ACTR3C: variants seen among roughly 807,000 people sequenced by gnomAD.
ACTR3C encodes actin-related protein 3C.
A neutral mutation model predicts 26.3 loss-of-function variants in ACTR3C; 18 were observed. The ratio of observed to expected loss-of-function variants is 0.68; its 90% CI spans 0.47 to 1.01. The LOEUF (loss-of-function observed/expected upper bound fraction) is 1.01, where lower values mean the gene tolerates loss of function less well. ACTR3C is among the 50% of genes least tolerant of loss of function. The pLI, the probability that ACTR3C is intolerant of heterozygous loss-of-function variation, is 0.00. For synonymous variants in ACTR3C, 55 were observed against 94.5 expected (o/e 0.58, Z 2.42); for missense variants, 184 against 250.7 (o/e 0.73, Z 1.80).
chr7:150,069,891 C>G, the ACTR3C span, among the ~76,000 whole-genome samples: 111,717 of 151,892 alleles, frequency 0.74, 41,192 homozygotes, highest in East Asian at 0.77. Flanking sequence ...GGGACTTCTG[C>G]GGGGAAGGTT....
chr7:150,040,955 A>T, the ACTR3C span, among the ~76,000 whole-genome samples: 1 of 150,160 alleles, frequency 6.7e-6, no homozygotes, highest in Non-Finnish European at 1.5e-5. Context: ...TTGCTGCCAA[A>T]GCCCTCAAAT....
chr7:149,936,784 A>ATTTTAT, the ACTR3C span, among the ~76,000 whole-genome samples: 7 of 152,190 alleles, frequency 4.6e-5, no homozygotes, highest in African/African-American at 1.2e-4. Flanking sequence ...GATGTATTTT[A>ATTTTAT]TTTTATTTTT....
chr7:149,893,937 A>G, the ACTR3C span, among the ~76,000 whole-genome samples: 1 of 152,190 alleles, frequency 6.6e-6, no homozygotes, highest in Admixed American at 6.5e-5. Flanking sequence ...AAATAATCCT[A>G]AGTTCACATG....
chr7:150,236,167 T>G, the ACTR3C span, among the ~76,000 whole-genome samples: 10 of 152,222 alleles, frequency 6.6e-5, no homozygotes, highest in Admixed American at 5.9e-4. Context: ...TAACCCTGTA[T>G]CTGGGAGAAG....
At chr7:150,158,895 GCACACACGTGCGCA>G in the ACTR3C span, among the ~76,000 whole-genome samples, 4 of 147,454 alleles carry the variant, frequency 2.7e-5, no homozygotes, top group South Asian at 4.3e-4. Flanking sequence ...GACGCACAAG[GCACACACGTGCGCA>G]CACACACGTG....
chr7:150,012,043 A>G, the ACTR3C span, among the ~76,000 whole-genome samples: 92,087 of 151,932 alleles, frequency 0.61, 27,954 homozygotes, highest in East Asian at 0.88. Flanking sequence ...GCTTGAGAGC[A>G]GCGATGGGGT....
chr7:150,299,948 C>T (rs12703059), intron 1 of ACTR3C, among the ~76,000 whole-genome samples: 9,589 of 150,726 alleles, frequency 0.064, 973 homozygotes, highest in African/African-American at 0.22. Flanking sequence ...GCTAATAGGG[C>T]ACAAATAGTA....
chr7:150,080,517 T>TGTGTG, the ACTR3C span, among the ~76,000 whole-genome samples: 5 of 148,870 alleles, frequency 3.4e-5, no homozygotes, highest in African/African-American at 1.3e-4. Context: ...GTATGAGTGT[T>TGTGTG]TGTGTGTGTA....
chr7:150,042,372 C>G, the ACTR3C span, among the ~76,000 whole-genome samples: 2 of 132,242 alleles, frequency 1.5e-5, no homozygotes, highest in Non-Finnish European at 3.3e-5. Context: ...GATGGGGGTC[C>G]TAAGAGCAAA....
At chr7:150,155,025 A>G in the ACTR3C span, among the ~76,000 whole-genome samples, 1 of 152,168 alleles carries the variant, frequency 6.6e-6, no homozygotes, top group Non-Finnish European at 1.5e-5. Context: ...AGAAGAATCG[A>G]CCTGGCTGGA....
the ACTR3C span, among the ~76,000 whole-genome samples, chr7:150,070,825 C>G: frequency 4.3e-4 from 60 of 140,248 alleles, no homozygotes; most frequent in Admixed American, 3.2e-3. Flanking sequence ...GATGGAGTTT[C>G]GCTCTGTCAC....
At chr7:150,156,539 TGAGAGAGAGAGAGAGAG>T in the ACTR3C span, among the ~76,000 whole-genome samples, 29 of 148,544 alleles carry the variant, frequency 2.0e-4, no homozygotes, top group Non-Finnish European at 3.9e-4. Flanking sequence ...TGGTGCTTAT[TGAGAGAGAGAGAGAGAG>T]GAGAGAGAGA....
chr7:150,003,659 T>C, the ACTR3C span, among the ~76,000 whole-genome samples: 13 of 152,094 alleles, frequency 8.5e-5, no homozygotes, highest in Non-Finnish European at 1.6e-4. Flanking sequence ...GTTTGGAGTG[T>C]GTGTGGTATA....
At chr7:149,946,198 C>T in the ACTR3C span, among the ~76,000 whole-genome samples, 2 of 152,200 alleles carry the variant, frequency 1.3e-5, no homozygotes, top group South Asian at 2.1e-4. Context: ...ACTGTGCAGC[C>T]GCTCTCAGGC....
chr7:150,025,422 T>C, the ACTR3C span, among the ~76,000 whole-genome samples: 2 of 152,110 alleles, frequency 1.3e-5, no homozygotes, highest in African/African-American at 4.8e-5. Context: ...TTTTTCTGTT[T>C]TCAAGGGATC....
the ACTR3C span, among the ~76,000 whole-genome samples, chr7:150,139,785 A>G: frequency 2.6e-5 from 4 of 152,206 alleles, no homozygotes; most frequent in South Asian, 8.3e-4. Context: ...AGGTTGGAGA[A>G]CAGTCCTCCC....
At chr7:149,983,419 G>GGT in the ACTR3C span, among the ~76,000 whole-genome samples, 3 of 109,540 alleles carry the variant, frequency 2.7e-5, no homozygotes, top group South Asian at 9.6e-4. Context: ...TATGTATGTA[G>GGT]GTGTGTGTGT....
chr7:149,977,607 T>C, the ACTR3C span, among the ~76,000 whole-genome samples: 1 of 152,198 alleles, frequency 6.6e-6, no homozygotes, highest in Admixed American at 6.5e-5. Flanking sequence ...CAGAGCATAA[T>C]GGCCCCTCCT....
At chr7:150,070,854 G>C in the ACTR3C span, among the ~76,000 whole-genome samples, 102 of 150,828 alleles carry the variant, frequency 6.8e-4, no homozygotes, top group African/African-American at 2.5e-3. Context: ...GAGTGCAGTG[G>C]CGTGATCTCA....
Sources: gnomAD v4.1 joint callset for allele counts (sites outside exome capture counted in the v4.1 genomes callset) on GRCh38, gnomAD v4.1.1 for gene constraint, MANE v1.5 for transcripts, NCBI Gene and HGNC (gene_info 2026-07-23, HGNC 2026-07-21) for gene names.